The following APBB2 variants were observed in gnomAD, a reference collection of about 807,000 sequenced individuals.
APBB2 encodes the protein amyloid beta precursor protein binding family B member 2.
Under a neutral mutation model 82.5 loss-of-function variants are expected in APBB2, and 38 were observed. The observed-to-expected ratio is 0.46, with a 90% confidence interval of 0.36 to 0.60. The LOEUF (loss-of-function observed/expected upper bound fraction) is 0.60, where lower values mean the gene tolerates loss of function less well. APBB2 is among the 20% of genes least tolerant of loss of function. The pLI is 0.00. For synonymous variants in APBB2, 341 were observed against 368.2 expected (o/e 0.93, Z 0.85); for missense variants, 772 against 972.3 (o/e 0.79, Z 2.74).
chr4:41,134,943 T>C (rs2154011145), intron 2 of APBB2, among the ~76,000 whole-genome samples: 1 of 152,224 alleles, frequency 6.6e-6, no homozygotes, highest in East Asian at 1.9e-4. Flanking sequence ...TCAACATTCC[T>C]TATCACTCAT....
intron 5 of APBB2, among the ~76,000 whole-genome samples, chr4:41,024,588 T>C (rs1374755850): frequency 7.9e-5 from 12 of 152,252 alleles, no homozygotes; most frequent in Non-Finnish European, 1.5e-5. Flanking sequence ...AATAATATTA[T>C]CTAAGAAGCC....
chr4:41,111,460 A>G (rs986927704), intron 2 of APBB2, among the ~76,000 whole-genome samples: 2 of 152,242 alleles, frequency 1.3e-5, no homozygotes, highest in Non-Finnish European at 2.9e-5. Flanking sequence ...GGAGTAGCAA[A>G]AAGTTCTAGA....
chr4:40,987,227 AAAT>A (rs1182647000), intron 6 of APBB2, among the ~76,000 whole-genome samples: 1 of 152,222 alleles, frequency 6.6e-6, no homozygotes, highest in Admixed American at 6.5e-5. Flanking sequence ...CATATCATCA[AAAT>A]AATAATAAAT....
intron 6 of APBB2, among the ~76,000 whole-genome samples, chr4:40,970,244 T>C (rs1795610495): frequency 6.6e-6 from 1 of 152,208 alleles, no homozygotes; most frequent in South Asian, 2.1e-4. Flanking sequence ...TTGAAGATTA[T>C]ATGGGAACCA....
chr4:41,008,201 A>G (rs1472294179), intron 6 of APBB2, among the ~76,000 whole-genome samples: 1 of 152,242 alleles, frequency 6.6e-6, no homozygotes, highest in Non-Finnish European at 1.5e-5. Context: ...AAGTCTCAGC[A>G]TGGCCACCTG....
intron 6 of APBB2, among the ~76,000 whole-genome samples, chr4:40,999,190 C>T (rs1228578355): frequency 6.6e-6 from 1 of 152,158 alleles, no homozygotes. Context: ...ACCTGTATCC[C>T]AGTACTCTGG....
chr4:40,916,453 G>C (rs188538499), intron 10 of APBB2, among the ~76,000 whole-genome samples: 1 of 152,222 alleles, frequency 6.6e-6, no homozygotes, highest in African/African-American at 2.4e-5. Context: ...CTTCCCACCC[G>C]TTCTGCACAT....
At chr4:41,096,675 A>G (rs373078085) in intron 3 of APBB2, among the ~76,000 whole-genome samples, 2 of 152,378 alleles carry the variant, frequency 1.3e-5, no homozygotes, top group South Asian at 4.1e-4. Flanking sequence ...TACCAAAATC[A>G]TAATGGGAGA....
At chr4:41,166,396 A>G (rs1309040311) in intron 1 of APBB2, among the ~76,000 whole-genome samples, 1 of 151,568 alleles carries the variant, frequency 6.6e-6, no homozygotes, top group African/African-American at 2.4e-5. Context: ...GGGCAAAATA[A>G]CGAGACCTCA....
chr4:41,162,393 G>T (rs533005450), intron 1 of APBB2, among the ~76,000 whole-genome samples: 1 of 151,798 alleles, frequency 6.6e-6, no homozygotes, highest in South Asian at 2.1e-4. Context: ...TTGTACCATG[G>T]GGACGATTCT....
At chr4:41,188,836 C>G (rs1773654091) in intron 1 of APBB2, among the ~76,000 whole-genome samples, 1 of 152,034 alleles carries the variant, frequency 6.6e-6, no homozygotes, top group Non-Finnish European at 1.5e-5. Context: ...TTTGCTTGAG[C>G]CTGGGAGGCA....
At position 41,158,998 on chromosome 4, in the gene APBB2, A is replaced by G. The variant is rs558647586; in HGVS notation, c.-416-15856T>C. Among the ~76,000 whole-genome samples, 4 of 152,268 alleles carry G rather than the reference A, an allele frequency of 2.6e-5. No individual in the cohort carries two copies. The South Asian group carries it at 8.3e-4, about 32-fold the overall frequency. ...GACACAGTTCCAAATCAAGGACATG[A>G]AACTGACTAAAAGGGTAGCTTTACA... On this transcript the variant is annotated intron_variant, in intron 1 of 17. Coordinates refer to ENST00000508593, the MANE Select transcript of APBB2 (RefSeq NM_004307.2).
At chr4:41,131,628 G>A (rs1193944172) in intron 2 of APBB2, among the ~76,000 whole-genome samples, 1 of 152,154 alleles carries the variant, frequency 6.6e-6, no homozygotes, top group Non-Finnish European at 1.5e-5. Flanking sequence ...AAGAGAAGGA[G>A]ATATGGCAAA....
intron 4 of APBB2, among the ~76,000 whole-genome samples, chr4:41,045,981 G>A (rs1310547947): frequency 6.7e-6 from 1 of 150,354 alleles, no homozygotes; most frequent in Non-Finnish European, 1.5e-5. Context: ...TTAATAATGA[G>A]CATGAAACAT....
intron 2 of APBB2, among the ~76,000 whole-genome samples, chr4:41,135,340 A>T (rs906535): frequency 2.0e-5 from 3 of 152,208 alleles, no homozygotes; most frequent in Non-Finnish European, 4.4e-5. Context: ...AGATTTTTTA[A>T]TGCAAGCCAG....
At chr4:40,935,245 A>C in intron 7 of APBB2, 106 bp from the exon 8 acceptor site, 3 of 828,664 alleles carry the variant, frequency 3.6e-6, no homozygotes, top group Non-Finnish European at 5.6e-6. Flanking sequence ...ATTGATATTC[A>C]CAAGATGGGT....
intron 1 of APBB2, among the ~76,000 whole-genome samples, chr4:41,167,014 T>G (rs1355551660): frequency 2.0e-5 from 3 of 152,124 alleles, no homozygotes; most frequent in Non-Finnish European, 4.4e-5. Context: ...AATTTGGGGG[T>G]TTCCACATAA....
chr4:41,037,707 A>C (rs1249091205), intron 4 of APBB2, among the ~76,000 whole-genome samples: 1 of 152,142 alleles, frequency 6.6e-6, no homozygotes, highest in Non-Finnish European at 1.5e-5. Context: ...CCTGATCTAG[A>C]GAATGTAGAC....
At chr4:41,183,014 A>C (rs1048655262) in intron 1 of APBB2, among the ~76,000 whole-genome samples, 1 of 152,180 alleles carries the variant, frequency 6.6e-6, no homozygotes, top group African/African-American at 2.4e-5. Flanking sequence ...GGTACCTCCA[A>C]ACTGGCTTCT....
Sources: allele counts gnomAD v4.1 joint callset (sites outside exome capture counted in the v4.1 genomes callset), GRCh38; gene constraint gnomAD v4.1.1; transcripts MANE v1.5; gene names NCBI Gene and HGNC (gene_info 2026-07-23, HGNC 2026-07-21).